The following RASA1 variants were observed in gnomAD, a reference collection of about 807,000 sequenced individuals.
The protein encoded by RASA1 is ras GTPase-activating protein 1.
RASA1 carries 25 observed loss-of-function variants against 132.2 expected under a neutral mutation model. The observed-to-expected ratio is 0.19, with a 90% CI of 0.14 to 0.26. RASA1 has a LOEUF of 0.26. Ranked by LOEUF, RASA1 falls within the 10% of genes least tolerant of loss-of-function variation. RASA1 has a pLI of 1.00. For missense variants in RASA1, 964 were observed against 1,299.2 expected, an observed-to-expected ratio of 0.74 and a Z score of 3.97; for synonymous variants, 477 against 449.9, an observed-to-expected ratio of 1.06 and a Z score of -0.76.
At chr5:87,378,663 C>A (rs1324144414) in intron 18 of RASA1, 125 bp downstream of exon 18, 3 of 988,156 alleles carry the variant, frequency 3.0e-6, no homozygotes, top group South Asian at 3.0e-5. Context: ...ATAGCAGTTA[C>A]ACCTGTCTGT....
At chr5:87,281,900 G>GA (rs753609967) in intron 1 of RASA1, among the ~76,000 whole-genome samples, 9 of 152,004 alleles carry the variant, frequency 5.9e-5, no homozygotes, top group Non-Finnish European at 1.0e-4. Flanking sequence ...TTTTCGAGTT[G>GA]AGTTTTTTTG....
chr5:87,362,417 A>C (rs1760174179), intron 9 of RASA1, 134 bp from the exon 10 acceptor site: 2 of 818,950 alleles, frequency 2.4e-6, no homozygotes, highest in Non-Finnish European at 3.8e-6. Context: ...GGAAAGCAAA[A>C]GATCATTTAT....
chr5:87,320,988 C>A (rs1756753529), intron 1 of RASA1, among the ~76,000 whole-genome samples: 1 of 152,132 alleles, frequency 6.6e-6, no homozygotes, highest in Admixed American at 6.5e-5. Flanking sequence ...TATTGAATAG[C>A]AATTTGTACA....
intron 1 of RASA1, among the ~76,000 whole-genome samples, chr5:87,315,707 TTA>T (rs1756277668): frequency 2.0e-5 from 3 of 151,738 alleles, no homozygotes; most frequent in Admixed American, 6.6e-5. Context: ...CAAGATTATT[TTA>T]TGTGCTATTA....
intron 1 of RASA1, chr5:87,330,804 T>G (rs1439471982): frequency 2.1e-6 from 1 of 486,946 alleles, no homozygotes; most frequent in Non-Finnish European, 3.4e-6. Flanking sequence ...GTAGATTATC[T>G]TAGAGCCAAA....
At chr5:87,277,325 T>A (rs1344398423) in intron 1 of RASA1, among the ~76,000 whole-genome samples, 1 of 152,156 alleles carries the variant, frequency 6.6e-6, no homozygotes, top group Non-Finnish European at 1.5e-5. Context: ...TCCCCCATAG[T>A]CATAGGTTGA....
intron 1 of RASA1, chr5:87,294,058 A>G (rs1265342329): frequency 6.6e-6 from 1 of 151,924 alleles, no homozygotes; most frequent in Non-Finnish European, 1.5e-5. Context: ...ATTTCCTGTT[A>G]TCAATTCCAT....
At chr5:87,384,063 G>T (rs1761908522) in intron 21 of RASA1, among the ~76,000 whole-genome samples, 1 of 151,760 alleles carries the variant, frequency 6.6e-6, no homozygotes, top group South Asian at 2.1e-4. Context: ...TATAATAAGT[G>T]ACTTCTTGTA....
intron 1 of RASA1, among the ~76,000 whole-genome samples, chr5:87,313,218 T>TA (rs1292789368): frequency 1.3e-5 from 2 of 152,226 alleles, no homozygotes; most frequent in Non-Finnish European, 1.5e-5. Flanking sequence ...AGTTTAGGTT[T>TA]AAAATATCAC....
intron 1 of RASA1, chr5:87,331,132 A>T: frequency 1.2e-6 from 1 of 861,952 alleles, no homozygotes; most frequent in South Asian, 1.6e-5. Flanking sequence ...GATGACTAGG[A>T]CTGAGCTTTT....
rs1007108885 is a variant in RASA1, at chr5:87,371,185, A to C, written c.1699-933A>C. ...GCAAGCCTAACATAGAACATTTTTT[A>C]ATGTATTTATACATAATATTTCTGT... On this transcript the variant is annotated intron_variant, in intron 12 of 24. Coordinates refer to ENST00000274376, the MANE Select transcript of RASA1 (RefSeq NM_002890.3). 2.6e-5 allele frequency among the ~76,000 whole-genome samples: 4 copies of C among 152,108 alleles called. 1 individual carries two copies. The highest frequency in any genetic ancestry group is 5.9e-5 in the Non-Finnish European group (4 of 67,996).
At chr5:87,381,438 ATAATT>A (rs1761708992) in intron 20 of RASA1, among the ~76,000 whole-genome samples, 1 of 152,228 alleles carries the variant, frequency 6.6e-6, no homozygotes, top group African/African-American at 2.4e-5. Context: ...TTCTAATAAT[ATAATT>A]TGTTATTTAG....
chr5:87,311,086 G>A (rs1365442451), intron 1 of RASA1, among the ~76,000 whole-genome samples: 2 of 152,152 alleles, frequency 1.3e-5, no homozygotes, highest in Non-Finnish European at 2.9e-5. Context: ...GACGTGCAAT[G>A]TCTTGAGAAA....
intron 4 of RASA1, among the ~76,000 whole-genome samples, chr5:87,337,538 AGT>A (rs781119469): frequency 2.4e-4 from 37 of 152,078 alleles, no homozygotes; most frequent in Non-Finnish European, 3.7e-4. Context: ...ATGTATGTAT[AGT>A]GTGTTAATTA....
At chr5:87,315,915 G>A (rs1756294410) in intron 1 of RASA1, among the ~76,000 whole-genome samples, 1 of 151,914 alleles carries the variant, frequency 6.6e-6, no homozygotes, top group South Asian at 2.1e-4. Context: ...TCTAATTATT[G>A]AAAGTCATTT....
intron 1 of RASA1, among the ~76,000 whole-genome samples, chr5:87,284,626 A>G (rs182519775): frequency 1.4e-4 from 21 of 152,338 alleles, no homozygotes; most frequent in South Asian, 2.1e-4. Context: ...AGTTAGATTT[A>G]GTAGTTCTTT....
chr5:87,280,325 T>C (rs551873749), intron 1 of RASA1, among the ~76,000 whole-genome samples: 8 of 152,242 alleles, frequency 5.3e-5, no homozygotes, highest in African/African-American at 1.9e-4. Context: ...TTCTTTCTTT[T>C]TTTTTTTGAC....
rs867797338 is a variant in RASA1, at chr5:87,356,696, T to A, written c.1332+3461T>A. Among the ~76,000 whole-genome samples, 8 of 152,218 alleles carry A rather than the reference T, an allele frequency of 5.3e-5. No individual in the cohort carries two copies. In the South Asian group the frequency reaches 1.2e-3, roughly 24 times the overall value. On this transcript the variant is annotated intron_variant, in intron 9 of 24. Coordinates refer to ENST00000274376, the MANE Select transcript of RASA1 (RefSeq NM_002890.3). Reference sequence around the variant, plus strand: ...CCCAACAGTTTTTAGTAATAAAATATTTTTAAATTAACACGTGTACATTGT... The same window carrying A: ...CCCAACAGTTTTTAGTAATAAAATAATTTTAAATTAACACGTGTACATTGT...
chr5:87,315,624 A>G (rs1185913464), intron 1 of RASA1, among the ~76,000 whole-genome samples: 2 of 152,252 alleles, frequency 1.3e-5, no homozygotes, highest in Non-Finnish European at 2.9e-5. Flanking sequence ...CTCAACCTAG[A>G]GTAAATATAG....
Sources: gnomAD v4.1 joint callset for allele counts (sites outside exome capture counted in the v4.1 genomes callset) on GRCh38, gnomAD v4.1.1 for gene constraint, MANE v1.5 for transcripts, NCBI Gene and HGNC (gene_info 2026-07-23, HGNC 2026-07-21) for gene names.